The following DCAKD variants were observed in gnomAD, a reference collection of about 807,000 sequenced individuals.
DCAKD encodes the protein dephospho-CoA kinase domain containing, also known as dephospho-CoA kinase domain-containing protein.
Under a neutral mutation model 18.7 loss-of-function variants are expected in DCAKD, and 15 were observed. The ratio of observed to expected loss-of-function variants is 0.80; its 90% CI spans 0.54 to 1.24. The LOEUF (loss-of-function observed/expected upper bound fraction) is 1.24. Ranked by LOEUF, DCAKD falls within the 50% of genes most tolerant of loss-of-function variation. The pLI is 0.00. For missense variants in DCAKD, 301 were observed against 322.0 expected, an observed-to-expected ratio of 0.93 and a Z score of 0.50; for synonymous variants, 130 against 133.0, an observed-to-expected ratio of 0.98 and a Z score of 0.16.
At chr17:45,049,647 G>T (rs1331659658) in intron 1 of DCAKD, among the ~76,000 whole-genome samples, 1 of 149,418 alleles carries the variant, frequency 6.7e-6, no homozygotes, top group East Asian at 2.0e-4. Flanking sequence ...AAATAAAAAT[G>T]TGAAAGTTTC....
chr17:45,031,753 CAT>C, intron 3 of DCAKD: 2 of 985,480 alleles, frequency 2.0e-6, no homozygotes, highest in Non-Finnish European at 2.4e-6. Context: ...TCAGCTGTCA[CAT>C]CCCTCCTGTC....
intron 1 of DCAKD, among the ~76,000 whole-genome samples, chr17:45,045,927 G>A (rs2053557919): frequency 6.6e-6 from 1 of 151,900 alleles, no homozygotes; most frequent in South Asian, 2.1e-4. Context: ...CTGGGTTAAA[G>A]CGATTCTCCT....
At chr17:45,033,907 C>T in intron 3 of DCAKD, 1 of 1,424,190 alleles carries the variant, frequency 7.0e-7, no homozygotes, top group Non-Finnish European at 9.3e-7. Context: ...TCTTATTACT[C>T]CCATCCCTAC....
intron 1 of DCAKD, among the ~76,000 whole-genome samples, chr17:45,038,005 G>A (rs2053343500): frequency 6.6e-6 from 1 of 150,678 alleles, no homozygotes; most frequent in Non-Finnish European, 1.5e-5. Context: ...CTGACTTCAG[G>A]TGATCCACCC....
In DCAKD at chr17:45,034,296, C is replaced by T. The variant is rs181186960; in HGVS notation, c.207G>A (p.Leu69=). 1.2e-6 allele frequency: 2 copies of T among 1,614,186 alleles called. No homozygotes were observed. Among genetic ancestry groups the T allele is most frequent in the Admixed American group, 3.3e-5 (2 of 60,028 alleles). ...LENGDINRKV[L]GDLIFNQPDR... ...CAGGCTGGTTAAAGATCAGGTCCCC[C>T]AGGACCTTGCGATTTATGTCGCCGT... The change falls in exon 3 of 5, where the codon CTG becomes CTA. Residue 69 remains leucine (L), a synonymous_variant. Coordinates refer to ENST00000651974, the MANE Select transcript of DCAKD (RefSeq NM_001288655.2).
At chr17:45,043,151 G>T (rs2053478027) in intron 1 of DCAKD, among the ~76,000 whole-genome samples, 1 of 151,920 alleles carries the variant, frequency 6.6e-6, no homozygotes, top group African/African-American at 2.4e-5. Flanking sequence ...CTCTTTCCTT[G>T]AGTATAAAAT....
chr17:45,059,559 G>A (rs931184473), intron 1 of DCAKD, among the ~76,000 whole-genome samples: 2 of 152,122 alleles, frequency 1.3e-5, no homozygotes, highest in African/African-American at 4.8e-5. Context: ...TTCAATCAAG[G>A]TTAAAAACAG....
At chr17:45,031,170 C>G in intron 3 of DCAKD, 1 of 985,410 alleles carries the variant, frequency 1.0e-6, no homozygotes, top group Non-Finnish European at 1.2e-6. Context: ...ACCAGACACA[C>G]ATCACACCAA....
At chr17:45,030,026 G>A in intron 4 of DCAKD, 66 bp downstream of exon 4, 1 of 1,441,904 alleles carries the variant, frequency 6.9e-7, no homozygotes, top group Non-Finnish European at 9.8e-7. Context: ...AGTGCAAAAT[G>A]ATGTGGGCTG....
At chr17:45,049,338 G>T (rs937076331) in intron 1 of DCAKD, among the ~76,000 whole-genome samples, 1 of 152,028 alleles carries the variant, frequency 6.6e-6, no homozygotes, top group African/African-American at 2.4e-5. Flanking sequence ...TGGTGGCTAA[G>T]GTGGGAGGAT....
At chr17:45,054,002 G>A (rs2053754178), upstream of DCAKD, 2 of 497,138 alleles carry the variant, frequency 4.0e-6, no homozygotes, top group Non-Finnish European at 8.1e-6. Context: ...TAGGGATTCA[G>A]TATATTGAGG....
At chr17:45,034,024 C>G in intron 3 of DCAKD, 163 bp downstream of exon 3, 1 of 1,596,364 alleles carries the variant, frequency 6.3e-7, no homozygotes, top group African/African-American at 1.3e-5. Flanking sequence ...CTTCTTTCCT[C>G]TGGGGCTGGT....
chr17:45,037,622 C>T (rs1405510809), intron 1 of DCAKD, among the ~76,000 whole-genome samples: 1 of 152,020 alleles, frequency 6.6e-6, no homozygotes, highest in African/African-American at 2.4e-5. Context: ...CCATGCCCAG[C>T]TAATTTTTGT....
upstream of DCAKD, chr17:45,051,671 G>C (rs2053701259): frequency 6.8e-6 from 1 of 147,322 alleles, no homozygotes; most frequent in African/African-American, 2.5e-5. Flanking sequence ...CGGACGTCCG[G>C]CCAGCAGGCG....
At position 45,025,954 on chromosome 17, in the gene DCAKD, G is replaced by A. The variant is rs186068969; in HGVS notation, c.405-1230C>T. 1.0e-4 allele frequency among the ~76,000 whole-genome samples: 15 copies of A among 145,740 alleles called. No homozygotes were observed. In the East Asian group the frequency reaches 2.0e-3, roughly 20 times the overall value. ...TTTTTTTTTTTTGAGACGGAGTCTC[G>A]CTTGCCCAGGCTGGAGTGCAGTGGC... On this transcript the variant is annotated intron_variant, in intron 4 of 4. Coordinates refer to ENST00000651974, the MANE Select transcript of DCAKD (RefSeq NM_001288655.2).
chr17:45,028,275 A>AT (rs1272859292), intron 4 of DCAKD, among the ~76,000 whole-genome samples: 2 of 150,042 alleles, frequency 1.3e-5, no homozygotes, highest in East Asian at 2.0e-4. Flanking sequence ...TGCCCAGCTA[A>AT]TTTTTTTTGT....
In DCAKD at chr17:45,034,873, C is replaced by G. The variant is rs2053256783; in HGVS notation, c.13G>C (p.Gly5Arg). Residue 5 changes from glycine (G) to arginine (R), a missense_variant, in exon 2 of 5, where the codon GGC becomes CGC. Coordinates refer to ENST00000651974, the MANE Select transcript of DCAKD (RefSeq NM_001288655.2). MFLV[G>R]LTGGIASGKS... is the part of the protein sequence containing the mutation. ...CCTGAGGCAATGCCCCCTGTCAGGCCCACCAGAAACATCTTCCAGGAAAGA... is the reference window on the plus strand; with the variant it reads ...CCTGAGGCAATGCCCCCTGTCAGGCGCACCAGAAACATCTTCCAGGAAAGA... The G allele has an allele frequency of 6.2e-7, 1 of 1,614,016 alleles. No individual in the cohort carries two copies. Among genetic ancestry groups the G allele is most frequent in the Admixed American group, 1.7e-5 (1 of 59,992 alleles).
intron 1 of DCAKD, among the ~76,000 whole-genome samples, chr17:45,057,477 C>A (rs998559582): frequency 1.3e-5 from 2 of 151,488 alleles, no homozygotes; most frequent in Non-Finnish European, 2.9e-5. Flanking sequence ...CCGAGGCAGG[C>A]GGATTGCCTG....
At chr17:45,036,741 T>C (rs1348992537) in intron 1 of DCAKD, among the ~76,000 whole-genome samples, 2 of 152,168 alleles carry the variant, frequency 1.3e-5, no homozygotes, top group Non-Finnish European at 1.5e-5. Context: ...TAAGGAGTCA[T>C]GGTGCATTTT....
Sources: allele counts gnomAD v4.1 joint callset (sites outside exome capture counted in the v4.1 genomes callset), GRCh38; gene constraint gnomAD v4.1.1; transcripts MANE v1.5; gene names NCBI Gene and HGNC (gene_info 2026-07-23, HGNC 2026-07-21).